The following SENP7 variants were observed in gnomAD, a reference collection of about 807,000 sequenced individuals.
The protein encoded by SENP7 is sentrin-specific protease 7.
Under a neutral mutation model 141.2 loss-of-function variants are expected in SENP7, and 64 were observed. That is an observed-to-expected ratio of 0.45 (90% CI 0.37 to 0.56). The LOEUF is 0.56. SENP7 is among the 20% of genes least tolerant of loss of function. The pLI, the probability that SENP7 is intolerant of heterozygous loss-of-function variation, is 0.00. For missense variants in SENP7, 1,025 were observed against 1,212.2 expected (o/e 0.85, Z 2.29); for synonymous variants, 382 against 426.4 (o/e 0.90, Z 1.28).
intron 3 of SENP7, among the ~76,000 whole-genome samples, chr3:101,488,025 A>G (rs1189764699): frequency 1.3e-5 from 2 of 152,202 alleles, no homozygotes; most frequent in Admixed American, 1.3e-4. Context: ...TAGGAATAGC[A>G]TTGAATCTGT....
intron 2 of SENP7, among the ~76,000 whole-genome samples, chr3:101,497,176 C>T (rs1302761828): frequency 1.3e-5 from 2 of 151,502 alleles, no homozygotes; most frequent in Non-Finnish European, 1.5e-5. Flanking sequence ...GGTGTTGGAC[C>T]GGAATCAGAA....
In SENP7 at chr3:101,366,445, T is replaced by C; in HGVS notation, c.1303A>G (p.Ile435Val). 1 of 1,600,954 alleles carries C rather than the reference T, an allele frequency of 6.2e-7. No homozygotes were observed. The highest frequency in any genetic ancestry group is 1.1e-5 in the South Asian group (1 of 89,258). ...RGHNEGNQSL[I>V]SAEPIVVSSD... ...TGTCACTTACTTGGTTCAGCTGAGA[T>C]CAGTGATTGGTTCCCTTCATTATGT... Residue 435 changes from isoleucine to valine, a missense_variant, in exon 9 of 24, where the codon ATC becomes GTC. Around this residue, in one of 4 missense-constraint regions of SENP7, gnomAD observed 496 missense variants for 503.5 expected, o/e 0.99. Transcript: ENST00000394095.
intron 4 of SENP7, among the ~76,000 whole-genome samples, chr3:101,445,362 T>C (rs376155239): frequency 1.3e-5 from 2 of 151,932 alleles, no homozygotes; most frequent in African/African-American, 4.8e-5. Flanking sequence ...GCAAAAAGTA[T>C]CTACCATCAT....
At chr3:101,430,237 G>A (rs556271175) in intron 4 of SENP7, among the ~76,000 whole-genome samples, 42 of 152,074 alleles carry the variant, frequency 2.8e-4, no homozygotes, top group South Asian at 6.2e-4. Context: ...TTTTTCTATC[G>A]ATTGGAATAG....
intron 4 of SENP7, among the ~76,000 whole-genome samples, chr3:101,456,040 C>T (rs1043675321): frequency 6.6e-6 from 1 of 152,100 alleles, no homozygotes; most frequent in South Asian, 2.1e-4. Flanking sequence ...AACAGAGATA[C>T]TTTTTTAAAT....
chr3:101,485,241 T>C (rs2064677472), intron 3 of SENP7, among the ~76,000 whole-genome samples: 1 of 151,942 alleles, frequency 6.6e-6, no homozygotes, highest in South Asian at 2.1e-4. Flanking sequence ...CGCCAGTGCC[T>C]CTCTATCCTA....
intron 4 of SENP7, among the ~76,000 whole-genome samples, chr3:101,440,581 T>TTA (rs1350583096): frequency 1.6e-5 from 2 of 124,912 alleles, no homozygotes; most frequent in African/African-American, 3.0e-5. Context: ...AAAAATAAAT[T>TTA]AAAAAAAAAA....
chr3:101,454,885 T>C (rs902773141), intron 4 of SENP7, among the ~76,000 whole-genome samples: 4 of 152,220 alleles, frequency 2.6e-5, no homozygotes, highest in African/African-American at 9.6e-5. Context: ...TTTTGGAGCA[T>C]GATGGGATGT....
At chr3:101,506,019 A>ATTTTTTTTTTTT (rs143265103) in intron 1 of SENP7, among the ~76,000 whole-genome samples, 1 of 142,126 alleles carries the variant, frequency 7.0e-6, no homozygotes. Flanking sequence ...TTTATTCCAT[A>ATTTTTTTTTTTT]ATTTTTTTTT....
chr3:101,351,171 A>C (rs1332246271), intron 12 of SENP7, among the ~76,000 whole-genome samples: 2 of 152,016 alleles, frequency 1.3e-5, no homozygotes, highest in Non-Finnish European at 2.9e-5. Flanking sequence ...GAAGAGAATG[A>C]GAAAATGGTG....
chr3:101,469,620 C>G lies in SENP7; in HGVS notation c.187-10568G>C, dbSNP rs1182630826. Among the ~76,000 whole-genome samples, 5 of 114,028 alleles carry G rather than the reference C, an allele frequency of 4.4e-5. 2 individuals carry two copies. The highest frequency in any genetic ancestry group is 6.1e-5 in the African/African-American group (2 of 32,862). The allele number at this position is 114,028 out of a possible 152,430, so 74.8% of individuals were successfully genotyped here. A position where few individuals can be genotyped will look rare whatever the true frequency, so the allele number is the denominator to read the frequency against. ...CGGGTGGATCATGAGGTCAGGAGATCGAGACCATCCTGGCTAACAAGGTGA... is the reference window on the plus strand; with the variant it reads ...CGGGTGGATCATGAGGTCAGGAGATGGAGACCATCCTGGCTAACAAGGTGA... On this transcript the variant is annotated intron_variant, in intron 3 of 23. Transcript: ENST00000394095.
At chr3:101,427,899 A>G (rs753197718) in intron 4 of SENP7, among the ~76,000 whole-genome samples, 16 of 151,512 alleles carry the variant, frequency 1.1e-4, no homozygotes, top group Admixed American at 4.6e-4. Flanking sequence ...CCCTGTGTCC[A>G]TGTGTTCTCA....
intron 20 of SENP7, 48 bp from the exon 21 acceptor site, chr3:101,328,737 A>C (rs747454832): frequency 7.1e-7 from 1 of 1,410,292 alleles, no homozygotes; most frequent in East Asian, 2.3e-5. Flanking sequence ...TATTTTGAAT[A>C]ATTTACTATT....
chr3:101,399,723 C>G (rs990641050), intron 5 of SENP7, among the ~76,000 whole-genome samples: 1 of 152,168 alleles, frequency 6.6e-6, no homozygotes, highest in African/African-American at 2.4e-5. Flanking sequence ...ATCTCCTGGC[C>G]CAAGTAATCC....
At chr3:101,512,762 A>C (rs1040333049) in intron 1 of SENP7, among the ~76,000 whole-genome samples, 1 of 152,178 alleles carries the variant, frequency 6.6e-6, no homozygotes, top group Non-Finnish European at 1.5e-5. Context: ...ACATTGGTGG[A>C]ATTACGAGGA....
chr3:101,451,093 C>T (rs1220106192), intron 4 of SENP7, among the ~76,000 whole-genome samples: 11 of 152,256 alleles, frequency 7.2e-5, no homozygotes, highest in South Asian at 6.2e-4. Context: ...AACACCTCTA[C>T]GCGAATAAAC....
chr3:101,479,892 C>CAAAAAAAAAAAAAAAA (rs1168285268), intron 3 of SENP7, among the ~76,000 whole-genome samples: 1 of 7,346 alleles, frequency 1.4e-4, no homozygotes, highest in Non-Finnish European at 2.3e-4. Context: ...ACAACAGCTA[C>CAAAAAAAAAAAAAAAA]AAAAAAAAAA....
intron 5 of SENP7, among the ~76,000 whole-genome samples, chr3:101,404,359 T>C (rs976040746): frequency 6.6e-6 from 1 of 152,100 alleles, no homozygotes; most frequent in Non-Finnish European, 1.5e-5. Flanking sequence ...GGAAAAGAAC[T>C]AGCCATATGC....
chr3:101,324,322 C>T lies in SENP7; in HGVS notation c.*1621G>A, dbSNP rs944215382. ...ATATAAAACACTGATATCCTCAAAA[C>T]ATTACTTGCACATTAATTTAGGAAA... On this transcript the variant is annotated 3_prime_UTR_variant, in exon 24 of 24. Transcript: ENST00000394095. 2.0e-5 allele frequency: 3 copies of T among 152,016 alleles called. No individual in the cohort carries two copies. The highest frequency in any genetic ancestry group is 2.0e-4 in the Admixed American group (3 of 15,222). 9.4% of individuals were successfully genotyped at this position (152,016 alleles called of 1,614,324 possible).
Sources: allele counts gnomAD v4.1 joint callset (sites outside exome capture counted in the v4.1 genomes callset), GRCh38; gene constraint gnomAD v4.1.1; regional missense constraint gnomAD v4.1.1; transcripts MANE v1.5; gene names NCBI Gene and HGNC (gene_info 2026-07-23, HGNC 2026-07-21).